The following SLIT3 variants were observed in gnomAD, a reference collection of about 807,000 sequenced individuals.
SLIT3 encodes the protein slit guidance ligand 3.
A neutral mutation model predicts 184.0 loss-of-function variants in SLIT3; 68 were observed. The observed-to-expected ratio is 0.37, with a 90% CI of 0.30 to 0.45. The LOEUF (loss-of-function observed/expected upper bound fraction) is 0.45. Ranked by LOEUF, SLIT3 falls within the 20% of genes least tolerant of loss-of-function variation. SLIT3 has a pLI of 1.00. For synonymous variants in SLIT3, 831 were observed against 828.6 expected, an observed-to-expected ratio of 1.00 and a Z score of -0.05; for missense variants, 1,707 against 2,026.0, an observed-to-expected ratio of 0.84 and a Z score of 3.02.
intron 12 of SLIT3, among the ~76,000 whole-genome samples, chr5:168,780,392 CT>C (rs1755928516): frequency 6.6e-6 from 1 of 152,252 alleles, no homozygotes; most frequent in Non-Finnish European, 1.5e-5. Flanking sequence ...TGTGGGCCTT[CT>C]TTTCCTAAAA....
intron 4 of SLIT3, among the ~76,000 whole-genome samples, chr5:168,992,840 A>C (rs1755376399): frequency 6.6e-6 from 1 of 152,200 alleles, no homozygotes; most frequent in South Asian, 2.1e-4. Context: ...CTGTGGTCTC[A>C]AATCCCAGGT....
intron 6 of SLIT3, among the ~76,000 whole-genome samples, chr5:168,825,585 C>T (rs147088138): frequency 6.4e-4 from 98 of 152,312 alleles, no homozygotes; most frequent in African/African-American, 2.1e-3. Context: ...TTCACTAACT[C>T]GCCAATGCAG....
Position 168,673,229 on chromosome 5 carries a change from C to T in SLIT3, c.3789G>A (p.Gly1263=), listed in dbSNP as rs1290473087. ...CCACTGCTGGCTGCTTCTGGAGCTT[C>T]CCCAGGCTCTTTGGAGTTCCTTTGT... The part of the protein sequence containing the change: ...VVDKGTPKSL[G]KLQKQPAVGI... Residue 1263 remains glycine (G), a synonymous_variant, in exon 33 of 36, where the codon GGG becomes GGA. Coordinates refer to ENST00000519560, the MANE Select transcript of SLIT3 (RefSeq NM_003062.4). 2.1e-5 allele frequency: 34 copies of T among 1,613,984 alleles called. No homozygotes were observed. Among genetic ancestry groups the T allele is most frequent in the Non-Finnish European group, 2.5e-5 (30 of 1,180,018 alleles).
At position 168,702,099 on chromosome 5, in the gene SLIT3, A is replaced by C. The variant is rs139498670; in HGVS notation, c.2845-1420T>G. Among the ~76,000 whole-genome samples the C allele has an allele frequency of 6.8e-3, 1,040 of 152,334 alleles. 6 individuals are homozygous for C. Among genetic ancestry groups the C allele is most frequent in the Non-Finnish European group, 0.011 (737 of 68,026 alleles). On this transcript the variant is annotated intron_variant, in intron 26 of 35. Transcript: ENST00000519560. ...AGAGGTTTCTTGGAGGGGGACAGGG[A>C]GAGTGCAGTTTGGGCTGGTATCTGG...
chr5:169,246,296 C>G (rs925371706), intron 2 of SLIT3, among the ~76,000 whole-genome samples: 2 of 152,148 alleles, frequency 1.3e-5, no homozygotes, highest in Admixed American at 6.5e-5. Flanking sequence ...TGGCCCCTTA[C>G]AAGCTCCTCA....
chr5:169,256,359 C>T (rs1765959310), intron 1 of SLIT3, among the ~76,000 whole-genome samples: 1 of 152,204 alleles, frequency 6.6e-6, no homozygotes, highest in African/African-American at 2.4e-5. Context: ...TGTCTTACAA[C>T]TGCCTATAGT....
At position 168,682,706 on chromosome 5, in the gene SLIT3, A is replaced by C. The variant is rs114225814; in HGVS notation, c.3686+1260T>G. Among the ~76,000 whole-genome samples the C allele has an allele frequency of 3.3e-3, 509 of 152,258 alleles. 2 individuals are homozygous for C. The highest frequency in any genetic ancestry group is 0.014 in the Middle Eastern group (4 of 294). ...ATTTACAATTCTTAAGTTTAATATA[A>C]GATTTTAATGGAAGAAAAGATTTAG... On this transcript the variant is annotated intron_variant, in intron 32 of 35. Coordinates refer to ENST00000519560, the MANE Select transcript of SLIT3 (RefSeq NM_003062.4).
intron 8 of SLIT3, among the ~76,000 whole-genome samples, chr5:168,808,647 G>C (rs1397493033): frequency 6.6e-6 from 1 of 152,164 alleles, no homozygotes; most frequent in African/African-American, 2.4e-5. Flanking sequence ...TTGGTGCCAT[G>C]TCAGTGAATA....
chr5:168,833,201 AAC>A (rs1460288774), intron 6 of SLIT3, among the ~76,000 whole-genome samples: 2 of 152,182 alleles, frequency 1.3e-5, no homozygotes, highest in Non-Finnish European at 2.9e-5. Flanking sequence ...TCTGTGGCCA[AAC>A]ATATAGGCCA....
intron 4 of SLIT3, among the ~76,000 whole-genome samples, chr5:169,048,885 C>G (rs1211508572): frequency 3.3e-5 from 5 of 152,148 alleles, no homozygotes; most frequent in African/African-American, 9.7e-5. Flanking sequence ...AGATACTCTT[C>G]TTGAAATATG....
chr5:169,260,461 G>A (rs1424037049), intron 1 of SLIT3, among the ~76,000 whole-genome samples: 1 of 152,186 alleles, frequency 6.6e-6, no homozygotes, highest in Non-Finnish European at 1.5e-5. Context: ...CGTCCTCCCT[G>A]AGAGCTCACC....
intron 4 of SLIT3, among the ~76,000 whole-genome samples, chr5:168,910,882 G>A (rs902471081): frequency 1.3e-5 from 2 of 152,158 alleles, no homozygotes; most frequent in Non-Finnish European, 2.9e-5. Flanking sequence ...TATGCTTTGT[G>A]TCCTTCAGAA....
At chr5:168,714,045 TGGTGAAATTCTCAG>T (rs1439592743) in intron 23 of SLIT3, among the ~76,000 whole-genome samples, 1 of 152,218 alleles carries the variant, frequency 6.6e-6, no homozygotes, top group Non-Finnish European at 1.5e-5. Context: ...CACAGTTCTC[TGGTGAAATTCTCAG>T]GGTGAAAGTG....
At chr5:169,031,173 A>G (rs889746410) in intron 4 of SLIT3, among the ~76,000 whole-genome samples, 1 of 152,178 alleles carries the variant, frequency 6.6e-6, no homozygotes, top group African/African-American at 2.4e-5. Context: ...CAAGCATTTC[A>G]GACTCCCTGG....
At chr5:168,779,317 T>C (rs1422295364) in intron 12 of SLIT3, among the ~76,000 whole-genome samples, 1 of 152,106 alleles carries the variant, frequency 6.6e-6, no homozygotes, top group Admixed American at 6.5e-5. Context: ...TGGGAGGCGG[T>C]GGAGGTACCC....
In SLIT3 at chr5:168,749,473, A is replaced by G. The variant is rs1180911275; in HGVS notation, c.2136T>C (p.Asp712=). The part of the protein sequence containing the change: ...QDVAIQDFTC[D]GNEESSCQLS... Reference sequence around the variant, plus strand: ...GACCTTGACCCACAGCCTTCTTACCATCACAGGTGAAGTCCTGGATGGCCA... The same window carrying G: ...GACCTTGACCCACAGCCTTCTTACCGTCACAGGTGAAGTCCTGGATGGCCA... The change falls in exon 19 of 36, where the codon GAT becomes GAC. Residue 712 remains aspartate, a splice_region_variant and synonymous_variant. Coordinates refer to ENST00000519560, the MANE Select transcript of SLIT3 (RefSeq NM_003062.4). The G allele has an allele frequency of 1.2e-6, 2 of 1,614,000 alleles. No homozygotes were observed. The highest frequency in any genetic ancestry group is 2.7e-5 in the African/African-American group (2 of 74,918).
intron 20 of SLIT3, among the ~76,000 whole-genome samples, chr5:168,726,385 GCAGGGAGGCA>G (rs1763112867): frequency 1.6e-5 from 1 of 63,518 alleles, no homozygotes; most frequent in Non-Finnish European, 3.4e-5. Flanking sequence ...GGAGAGGGAG[GCAGGGAGGCA>G]GAGGGAGGCA....
intron 1 of SLIT3, among the ~76,000 whole-genome samples, chr5:169,254,250 T>C (rs1765873321): frequency 6.6e-6 from 1 of 152,186 alleles, no homozygotes; most frequent in African/African-American, 2.4e-5. Flanking sequence ...TGGATTACAC[T>C]GACCCTGAGG....
intron 25 of SLIT3, among the ~76,000 whole-genome samples, chr5:168,710,630 C>T (rs1762526730): frequency 6.6e-6 from 1 of 151,926 alleles, no homozygotes; most frequent in Non-Finnish European, 1.5e-5. Context: ...AAGATATTCT[C>T]CACTATGGAA....
Sources: gnomAD v4.1 joint callset for allele counts (sites outside exome capture counted in the v4.1 genomes callset) on GRCh38, gnomAD v4.1.1 for gene constraint, MANE v1.5 for transcripts, NCBI Gene and HGNC (gene_info 2026-07-23, HGNC 2026-07-21) for gene names.